Variants in TTBK2 observed in about 807,000 individuals in gnomAD.
TTBK2 encodes tau tubulin kinase 2.
In TTBK2, 28 loss-of-function variants were observed where a neutral mutation model predicts 110.8. The ratio of observed to expected loss-of-function variants is 0.25; its 90% CI spans 0.19 to 0.35. TTBK2 has a LOEUF of 0.35. Ranked by LOEUF, TTBK2 falls within the 10% of genes least tolerant of loss-of-function variation. The pLI is 1.00. For synonymous variants in TTBK2, 532 were observed against 527.3 expected, an observed-to-expected ratio of 1.01 and a Z score of -0.12; for missense variants, 1,369 against 1,500.3, an observed-to-expected ratio of 0.91 and a Z score of 1.45.
chr15:42,759,682 T>C (rs1477306256), intron 13 of TTBK2, among the ~76,000 whole-genome samples: 4 of 151,888 alleles, frequency 2.6e-5, no homozygotes, highest in Admixed American at 6.6e-5. Flanking sequence ...GCTGAAGAAA[T>C]TGCATGAAGA....
At chr15:42,821,673 GTTTTTGT>G (rs1892302114) in intron 6 of TTBK2, among the ~76,000 whole-genome samples, 1 of 147,516 alleles carries the variant, frequency 6.8e-6, no homozygotes, top group South Asian at 2.2e-4. Flanking sequence ...TCTTGCCAGG[GTTTTTGT>G]TTTTTGTTTT....
chr15:42,849,708 T>C (rs781095384), intron 3 of TTBK2, among the ~76,000 whole-genome samples: 1 of 152,206 alleles, frequency 6.6e-6, no homozygotes, highest in African/African-American at 2.4e-5. Flanking sequence ...TGCAGTTATA[T>C]TTAATGTGTT....
chr15:42,775,042 G>A, intron 13 of TTBK2, 93 bp downstream of exon 13: 1 of 1,375,344 alleles, frequency 7.3e-7, no homozygotes, highest in Non-Finnish European at 1.0e-6. Context: ...ATTTAGGCCT[G>A]TACTGAAGTA....
intron 3 of TTBK2, among the ~76,000 whole-genome samples, chr15:42,850,738 C>A (rs1893665001): frequency 6.6e-6 from 1 of 151,774 alleles, no homozygotes; most frequent in African/African-American, 2.4e-5. Context: ...CACTTTTGGA[C>A]ATTATATCTA....
At chr15:42,807,617 T>C (rs986029957) in intron 9 of TTBK2, among the ~76,000 whole-genome samples, 2 of 147,128 alleles carry the variant, frequency 1.4e-5, no homozygotes, top group Middle Eastern at 3.5e-3. Context: ...TTTTGTTTTT[T>C]GTAGAAACAG....
At chr15:42,896,915 G>A (rs1332582836) in intron 1 of TTBK2, among the ~76,000 whole-genome samples, 1 of 139,750 alleles carries the variant, frequency 7.2e-6, no homozygotes, top group African/African-American at 2.7e-5. Flanking sequence ...TCTTGCTCTT[G>A]TCGCCCAGGC....
chr15:42,804,770 G>T (rs1028545367), intron 9 of TTBK2, among the ~76,000 whole-genome samples: 6 of 152,176 alleles, frequency 3.9e-5, no homozygotes, highest in Admixed American at 6.5e-5. Context: ...AGATGAATGT[G>T]GATAAAGTAA....
At position 42,740,722 on chromosome 15, in the gene TTBK2, A is replaced by AT. The variant is rs1188999838; in HGVS notation, c.*5072dup. 2 of 151,728 alleles carry AT rather than the reference A, an allele frequency of 1.3e-5. No individual in the cohort carries two copies. The highest frequency in any genetic ancestry group is 4.8e-5 in the African/African-American group (2 of 41,268). 9.4% of individuals were successfully genotyped at this position (151,728 alleles called of 1,614,324 possible). On this transcript the variant is annotated 3_prime_UTR_variant, in exon 15 of 15. Transcript: ENST00000267890. ...AGGCGCCCGCCACCATGCCCAGCTA[A>AT]TTTTTTGTATTTTCAGTAGAGACGG...
At position 42,783,570 on chromosome 15, in the gene TTBK2, T is replaced by C; in HGVS notation, c.1046A>G (p.Asp349Gly). The part of the protein sequence containing the change: ...LRENTDEVFP[D>G]EQLSDGENGI... ...ATTTTCTCCATCGCTAAGCTGTTCA[T>C]CTGGAAATACCTCATCTGTATTTTC... Residue 349 changes from aspartate to glycine, a missense_variant, in exon 11 of 15, where the codon GAT (aspartate) becomes GGT (glycine). By Grantham distance (94) the Asp-to-Gly change is moderately conservative. This residue lies in a region of TTBK2 where 1,097 missense variants were observed against 1,114.7 expected (regional missense o/e 0.98). Coordinates refer to ENST00000267890, the MANE Select transcript of TTBK2 (RefSeq NM_173500.4). 1 of 1,614,082 alleles carries C rather than the reference T, an allele frequency of 6.2e-7. No homozygotes were observed. The highest frequency in any genetic ancestry group is 8.5e-7 in the Non-Finnish European group (1 of 1,180,036).
At chr15:42,818,211 A>C (rs1892122999) in intron 6 of TTBK2, among the ~76,000 whole-genome samples, 1 of 152,206 alleles carries the variant, frequency 6.6e-6, no homozygotes, top group South Asian at 2.1e-4. Context: ...AAGTAGCTGG[A>C]ACTACTGGAA....
At position 42,811,882 on chromosome 15, in the gene TTBK2, A is replaced by C; in HGVS notation, c.604-102T>G. On this transcript the variant is annotated intron_variant, in intron 7 of 14. Coordinates refer to ENST00000267890, the MANE Select transcript of TTBK2 (RefSeq NM_173500.4). The stretch of plus-strand genomic sequence containing the variant: ...TTTGTTTCACCTTATTAGGCTAAAA[A>C]TGTAAATTTATTTCCCAAAAAATTA... 4.1e-6 allele frequency: 4 copies of C among 966,204 alleles called. 1 individual carries two copies. The South Asian group carries it at 6.2e-5, about 15-fold the overall frequency. The allele number at this position is 966,204 out of a possible 1,614,324, so 59.9% of individuals were successfully genotyped here.
intron 3 of TTBK2, among the ~76,000 whole-genome samples, chr15:42,849,176 TTTG>T (rs1302046180): frequency 1.3e-5 from 2 of 152,160 alleles, no homozygotes; most frequent in Non-Finnish European, 2.9e-5. Flanking sequence ...ATGTTTTTTC[TTTG>T]TTGTTCAGAT....
In TTBK2 at chr15:42,740,145, G is replaced by A. The variant is rs1265466790; in HGVS notation, c.*5650C>T. 6.6e-6 allele frequency: 1 copy of A among 152,172 alleles called. No homozygotes were observed. Among genetic ancestry groups the A allele is most frequent in the African/African-American group, 2.4e-5 (1 of 41,432 alleles). 9.4% of individuals were successfully genotyped at this position (152,172 alleles called of 1,614,324 possible). A position where few individuals can be genotyped will look rare whatever the true frequency, so the allele number is the denominator to read the frequency against. ...CCCTAGGTCAAGGAACCCAGAGCCA[G>A]GGTACCTGGGAGGCATGGTCAGCAT... On this transcript the variant is annotated 3_prime_UTR_variant, in exon 15 of 15. Transcript: ENST00000267890.
intron 3 of TTBK2, among the ~76,000 whole-genome samples, chr15:42,859,081 T>C (rs1310655809): frequency 6.6e-6 from 1 of 152,110 alleles, no homozygotes; most frequent in African/African-American, 2.4e-5. Context: ...GTTTTATTTA[T>C]TTATTTTTTA....
Position 42,775,237 on chromosome 15 carries a change from T to C in TTBK2, c.1896A>G (p.Gln632=), listed in dbSNP as rs1312761564. The change falls in exon 13 of 15, where the codon CAA becomes CAG. Residue 632 remains glutamine, a synonymous_variant. Coordinates refer to ENST00000267890, the MANE Select transcript of TTBK2 (RefSeq NM_173500.4). The part of the protein sequence containing the change: ...AEGPPTAASE[Q]YTDRLELQPG... ...GCTGGAGTTCCAGCCTATCTGTATATTGTTCTGAAGCAGCAGTAGGAGGAC... is the reference window on the plus strand; with the variant it reads ...GCTGGAGTTCCAGCCTATCTGTATACTGTTCTGAAGCAGCAGTAGGAGGAC... The C allele has an allele frequency of 4.3e-6, 7 of 1,614,216 alleles. No individual in the cohort carries two copies. Among genetic ancestry groups the C allele is most frequent in the Admixed American group, 1.7e-5 (1 of 60,026 alleles).
chr15:42,828,133 T>A, intron 5 of TTBK2, 101 bp from the exon 6 acceptor site: 1 of 866,538 alleles, frequency 1.2e-6, no homozygotes, highest in Non-Finnish European at 1.8e-6. Context: ...AAGCTCTATA[T>A]AACACACATG....
chr15:42,748,676 G>T (rs576109632), intron 14 of TTBK2, among the ~76,000 whole-genome samples: 56 of 152,156 alleles, frequency 3.7e-4, no homozygotes, highest in African/African-American at 1.3e-3. Context: ...GCCTCCCAAA[G>T]TGCTGGGATT....
Position 42,752,505 on chromosome 15 carries a change from C to T in TTBK2, c.2741G>A (p.Gly914Glu). ...CTCTGAAACACAATGAAATAGTTCT[C>T]CATTTCTAGGGGTGATTTTCTCTCT... ...GKREKITPRN[G>E]ELFHCVSENE... The change falls in exon 14 of 15, where the codon GGA (glycine) becomes GAA (glutamate). Residue 914 changes from glycine (G) to glutamate (E), a missense_variant. Around this residue, in one of 4 missense-constraint regions of TTBK2, gnomAD observed 1,097 missense variants for 1,114.7 expected, o/e 0.98. Transcript: ENST00000267890. 1 of 1,614,190 alleles carries T rather than the reference C, an allele frequency of 6.2e-7. No homozygotes were observed. Among genetic ancestry groups the T allele is most frequent in the East Asian group, 2.2e-5 (1 of 44,880 alleles).
chr15:42,889,841 C>A (rs1205550500), intron 1 of TTBK2, among the ~76,000 whole-genome samples: 1 of 152,194 alleles, frequency 6.6e-6, no homozygotes, highest in African/African-American at 2.4e-5. Context: ...CCCAATCCCA[C>A]TTAAAGCAGC....
Sources: allele counts gnomAD v4.1 joint callset (sites outside exome capture counted in the v4.1 genomes callset), GRCh38; gene constraint gnomAD v4.1.1; regional missense constraint gnomAD v4.1.1; transcripts MANE v1.5; gene names NCBI Gene and HGNC (gene_info 2026-07-23, HGNC 2026-07-21).